Variants in TRIM49C observed in about 807,000 individuals in gnomAD.
The protein encoded by TRIM49C is tripartite motif-containing protein 49C.
Under a neutral mutation model 21.4 loss-of-function variants are expected in TRIM49C, and 6 were observed. The observed-to-expected ratio is 0.28, with a 90% CI of 0.15 to 0.55. The LOEUF is 0.55. TRIM49C is among the 20% of genes least tolerant of loss of function. The pLI is 0.94. For missense variants in TRIM49C, 161 were observed against 442.4 expected, an observed-to-expected ratio of 0.36 and a Z score of 5.71; for synonymous variants, 57 against 148.1, an observed-to-expected ratio of 0.38 and a Z score of 4.47.
the TRIM49C span, among the ~76,000 whole-genome samples, chr11:90,049,407 C>T: frequency 1.4e-5 from 1 of 72,274 alleles, no homozygotes; most frequent in East Asian, 4.3e-4. Flanking sequence ...GGGCTCCACC[C>T]AGTTTAAGCT....
At chr11:90,049,394 A>G in the TRIM49C span, among the ~76,000 whole-genome samples, 1 of 73,992 alleles carries the variant, frequency 1.4e-5, no homozygotes, top group Non-Finnish European at 2.5e-5. Context: ...CTTGAGCTGC[A>G]GTGGGCTCCA....
At chr11:90,058,104 GA>G in the TRIM49C span, 4 of 1,118,550 alleles carry the variant, frequency 3.6e-6, no homozygotes, top group Non-Finnish European at 4.8e-6. Context: ...CACTGACAAG[GA>G]AAAAAATATT....
intron 1 of TRIM49C, among the ~76,000 whole-genome samples, chr11:90,031,494 T>G (rs1465954687): frequency 7.3e-6 from 1 of 136,648 alleles, no homozygotes; most frequent in Non-Finnish European, 1.6e-5. Flanking sequence ...ACAAAAAGAC[T>G]TGGTATAGAA....
chr11:90,043,851 A>T (rs577156209), downstream of TRIM49C, among the ~76,000 whole-genome samples: 837 of 115,802 alleles, frequency 7.2e-3, 190 homozygotes, highest in African/African-American at 0.028. Flanking sequence ...ATATGTATAC[A>T]TGTGCCATGT....
At chr11:90,040,971 G>A (rs1281933009) in intron 7 of TRIM49C, 80 bp from the exon 8 acceptor site, 7 of 1,454,588 alleles carry the variant, frequency 4.8e-6, no homozygotes, top group Non-Finnish European at 6.3e-6. Flanking sequence ...TGCTGGTAAA[G>A]TAACTTCTTG....
chr11:90,034,183 G>A lies in TRIM49C; in HGVS notation c.-4-1025G>A, dbSNP rs1017113710. Among the ~76,000 whole-genome samples the A allele has an allele frequency of 2.1e-4, 25 of 116,908 alleles. 6 individuals are homozygous for A. The highest frequency in any genetic ancestry group is 6.8e-4 in the Admixed American group (7 of 10,302). 76.7% of individuals were successfully genotyped at this position (116,908 alleles called of 152,430 possible). On this transcript the variant is annotated intron_variant, in intron 2 of 7. Coordinates refer to ENST00000448984, the MANE Select transcript of TRIM49C (RefSeq NM_001195234.1). ...TCAGAACAAGTTTCAGGAGAGAGAC[G>A]GAGGAAGTTGCCTTTTTTCTGCCTT...
chr11:90,055,102 G>A, the TRIM49C span, among the ~76,000 whole-genome samples: 3 of 143,018 alleles, frequency 2.1e-5, no homozygotes, highest in African/African-American at 5.1e-5. Flanking sequence ...TTGGAAAAAA[G>A]CAGCAAGTCC....
At chr11:90,073,388 T>C in the TRIM49C span, 40 of 609,768 alleles carry the variant, frequency 6.6e-5, 6 homozygotes, top group Admixed American at 1.2e-4. Context: ...TGGCCACAGA[T>C]GACAAGGATT....
At position 90,041,411 on chromosome 11, in the gene TRIM49C, G is replaced by A. The variant is rs771741699; in HGVS notation, c.1220G>A (p.Ser407Asn). The A allele has an allele frequency of 2.5e-6, 4 of 1,579,840 alleles. No homozygotes were observed. The highest frequency in any genetic ancestry group is 2.6e-6 in the Non-Finnish European group (3 of 1,160,156). The change falls in exon 8 of 8, where the codon AGC becomes AAC. Residue 407 changes from serine (S) to asparagine (N), a missense_variant. Transcript: ENST00000448984. ...CTGCAATATATCCCAAAACCTACCA[G>A]CCGAGTAGGATTATTCCTGGATTGT... The part of the protein sequence containing the change: ...LMLQYIPKPT[S>N]RVGLFLDCEA...
downstream of TRIM49C, among the ~76,000 whole-genome samples, chr11:90,046,421 G>A (rs555556280): frequency 2.4e-5 from 3 of 126,540 alleles, 1 homozygote; most frequent in Admixed American, 1.8e-4. Flanking sequence ...GACTTTATTT[G>A]GTTTGTAGGC....
the TRIM49C span, among the ~76,000 whole-genome samples, chr11:90,062,380 A>G: frequency 7.2e-6 from 1 of 137,992 alleles, no homozygotes; most frequent in African/African-American, 2.8e-5. Context: ...AATGTTTTTA[A>G]GGAAACCTCC....
chr11:90,059,900 C>G, the TRIM49C span, among the ~76,000 whole-genome samples: 3 of 142,514 alleles, frequency 2.1e-5, no homozygotes, highest in African/African-American at 8.0e-5. Flanking sequence ...CTCTCTCCTC[C>G]CTCTGTCTTT....
chr11:90,057,886 C>T, the TRIM49C span: 1 of 1,475,088 alleles, frequency 6.8e-7, no homozygotes, highest in South Asian at 1.2e-5. Context: ...TCTCGACAGA[C>T]TCCCAGAATC....
chr11:90,062,571 G>A, the TRIM49C span: 1 of 1,385,106 alleles, frequency 7.2e-7, no homozygotes, highest in Middle Eastern at 2.5e-4. Flanking sequence ...AATTCAAACT[G>A]CCTTAGAGGC....
Position 90,034,605 on chromosome 11 carries a change from G to T in TRIM49C, c.-4-603G>T, listed in dbSNP as rs537122282. On this transcript the variant is annotated intron_variant, in intron 2 of 7. Coordinates refer to ENST00000448984, the MANE Select transcript of TRIM49C (RefSeq NM_001195234.1). ...TTTTTCTTTGTTTATTTGGTTGGTT[G>T]GCTTTTTTTAAATTTTGTTTTGATT... Among the ~76,000 whole-genome samples the T allele has an allele frequency of 6.3e-5, 7 of 111,380 alleles. 1 individual carries two copies. The highest frequency in any genetic ancestry group is 1.5e-4 in the African/African-American group (3 of 20,478). 73.1% of individuals were successfully genotyped at this position (111,380 alleles called of 152,430 possible).
chr11:90,073,498 T>C, the TRIM49C span: 106 of 368,838 alleles, frequency 2.9e-4, 3 homozygotes, highest in African/African-American at 2.9e-3. Flanking sequence ...TACTTTAGTG[T>C]CACTTCATTT....
downstream of TRIM49C, among the ~76,000 whole-genome samples, chr11:90,046,596 G>T (rs1457284304): frequency 1.7e-5 from 2 of 121,060 alleles, 1 homozygote; most frequent in Non-Finnish European, 3.3e-5. Context: ...TTGTATTTCT[G>T]TGGGATCGGT....
At chr11:90,072,016 G>C in the TRIM49C span, among the ~76,000 whole-genome samples, 1 of 141,190 alleles carries the variant, frequency 7.1e-6, no homozygotes, top group Non-Finnish European at 1.5e-5. Flanking sequence ...CACGCAGAAG[G>C]GCTTTTTAGG....
chr11:90,048,449 G>C, the TRIM49C span, among the ~76,000 whole-genome samples: 3 of 121,958 alleles, frequency 2.5e-5, no homozygotes, highest in African/African-American at 1.0e-4. Flanking sequence ...ATATTTCTTG[G>C]AGGCTTTGTT....
Sources: gnomAD v4.1 joint callset for allele counts (sites outside exome capture counted in the v4.1 genomes callset) on GRCh38, gnomAD v4.1.1 for gene constraint, MANE v1.5 for transcripts, NCBI Gene and HGNC (gene_info 2026-07-23, HGNC 2026-07-21) for gene names.